The following TENM2 variants were observed in gnomAD, a reference collection of about 807,000 sequenced individuals.
TENM2 encodes the protein teneurin transmembrane protein 2, also known as teneurin-2.
TENM2 carries 52 observed loss-of-function variants against 245.2 expected under a neutral mutation model. The observed-to-expected ratio is 0.21, with a 90% CI of 0.17 to 0.27. The LOEUF (loss-of-function observed/expected upper bound fraction) is 0.27, where lower values mean the gene tolerates loss of function less well. TENM2 is among the 10% of genes least tolerant of loss of function. The probability of loss-of-function intolerance (pLI) is 1.00; values close to 1 mark genes in which losing one functional copy is unlikely to be tolerated. For missense variants in TENM2, 3,046 were observed against 3,666.8 expected (o/e 0.83, Z 4.37); for synonymous variants, 1,363 against 1,438.9 (o/e 0.95, Z 1.19).
chr5:167,420,189 G>A (rs1341100862), intron 2 of TENM2, among the ~76,000 whole-genome samples: 1 of 152,176 alleles, frequency 6.6e-6, no homozygotes, highest in Non-Finnish European at 1.5e-5. Flanking sequence ...AAAGTGGAGA[G>A]CTTATTGTTA....
chr5:167,569,330 GCTA>G (rs1774128592), intron 2 of TENM2, among the ~76,000 whole-genome samples: 1 of 151,994 alleles, frequency 6.6e-6, no homozygotes, highest in Non-Finnish European at 1.5e-5. Context: ...GAATAAGCAA[GCTA>G]CTTTGTTTAC....
At chr5:167,013,132 T>G in the TENM2 span, among the ~76,000 whole-genome samples, 6 of 152,174 alleles carry the variant, frequency 3.9e-5, no homozygotes, top group African/African-American at 1.4e-4. Flanking sequence ...TCATTGTAAC[T>G]ATGTCTTTAA....
chr5:167,816,141 A>T (rs1219737873), intron 2 of TENM2, among the ~76,000 whole-genome samples: 2 of 152,080 alleles, frequency 1.3e-5, no homozygotes, highest in Non-Finnish European at 2.9e-5. Context: ...ATAGAGCCAC[A>T]TTATCAATCA....
chr5:167,616,716 A>G (rs888662518), intron 2 of TENM2, among the ~76,000 whole-genome samples: 8 of 152,078 alleles, frequency 5.3e-5, no homozygotes, highest in Admixed American at 1.3e-4. Flanking sequence ...GGCTGTGATG[A>G]ATGTGAGGAA....
intron 2 of TENM2, among the ~76,000 whole-genome samples, chr5:167,515,078 A>G (rs1391600131): frequency 6.6e-6 from 1 of 152,182 alleles, no homozygotes; most frequent in Non-Finnish European, 1.5e-5. Flanking sequence ...TGAGCCATCA[A>G]GTTCATGAAG....
At chr5:167,103,896 G>T in the TENM2 span, among the ~76,000 whole-genome samples, 3 of 150,802 alleles carry the variant, frequency 2.0e-5, no homozygotes, top group Admixed American at 2.0e-4. Flanking sequence ...ACACACACAC[G>T]CATGCGCACA....
rs114066403 is a variant in TENM2, at chr5:167,753,881, C to A, written c.503-122105C>A. Reference sequence around the variant, plus strand: ...GTAGTACCTAATGCAGGCAGAGGTGCCTTCCTGCAGGTGTGCCAGAGTCTT... The same window carrying A: ...GTAGTACCTAATGCAGGCAGAGGTGACTTCCTGCAGGTGTGCCAGAGTCTT... On this transcript the variant is annotated intron_variant, in intron 2 of 28. Coordinates refer to ENST00000518659, the Ensembl canonical transcript of TENM2. 2.0e-5 allele frequency among the ~76,000 whole-genome samples: 3 copies of A among 152,160 alleles called. No homozygotes were observed. In the East Asian group the frequency reaches 5.8e-4, roughly 29 times the overall value.
chr5:167,740,368 A>G (rs1052659737), intron 2 of TENM2, among the ~76,000 whole-genome samples: 2 of 152,214 alleles, frequency 1.3e-5, no homozygotes. Context: ...TACACTGAAT[A>G]GAACTTGGGA....
chr5:167,248,869 C>T, the TENM2 span, among the ~76,000 whole-genome samples: 2 of 151,758 alleles, frequency 1.3e-5, no homozygotes, highest in Admixed American at 1.3e-4. Context: ...TTTGAAAATG[C>T]CCAATTTGTG....
intron 2 of TENM2, among the ~76,000 whole-genome samples, chr5:167,553,666 T>C (rs1411422787): frequency 6.6e-6 from 1 of 152,202 alleles, no homozygotes; most frequent in Non-Finnish European, 1.5e-5. Context: ...GCATGCCTTC[T>C]GCACAGCTGA....
At chr5:167,319,204 T>C (rs993660614) in intron 1 of TENM2, among the ~76,000 whole-genome samples, 2 of 152,232 alleles carry the variant, frequency 1.3e-5, no homozygotes, top group African/African-American at 4.8e-5. Flanking sequence ...TAGAATATAC[T>C]GCATGTAAAG....
At chr5:167,243,635 C>T in the TENM2 span, among the ~76,000 whole-genome samples, 5 of 152,120 alleles carry the variant, frequency 3.3e-5, no homozygotes, top group African/African-American at 9.7e-5. Flanking sequence ...GCATATTTCT[C>T]TCAGTATCCC....
chr5:168,010,693 G>T (rs528789030), intron 5 of TENM2, among the ~76,000 whole-genome samples: 63 of 152,372 alleles, frequency 4.1e-4, no homozygotes, highest in African/African-American at 1.5e-3. Context: ...GAAAAGCCCT[G>T]AAAATTATTG....
At chr5:167,567,132 CGG>C (rs1199339793) in intron 2 of TENM2, among the ~76,000 whole-genome samples, 3 of 152,026 alleles carry the variant, frequency 2.0e-5, no homozygotes, top group African/African-American at 7.2e-5. Flanking sequence ...AGTTTGGAAA[CGG>C]ATATAAAAAT....
chr5:167,719,119 A>G (rs934271412), intron 2 of TENM2, among the ~76,000 whole-genome samples: 4 of 152,350 alleles, frequency 2.6e-5, no homozygotes, highest in South Asian at 4.1e-4. Flanking sequence ...CTACCCATAA[A>G]AGCAAAGACA....
chr5:167,497,756 T>C (rs1347689565), intron 2 of TENM2, among the ~76,000 whole-genome samples: 4 of 152,024 alleles, frequency 2.6e-5, no homozygotes, highest in African/African-American at 9.7e-5. Flanking sequence ...CCTTAATTAA[T>C]ATTTATTGGG....
At chr5:167,566,686 A>T (rs963450718) in intron 2 of TENM2, among the ~76,000 whole-genome samples, 4 of 152,162 alleles carry the variant, frequency 2.6e-5, no homozygotes, top group African/African-American at 9.7e-5. Context: ...CATATTGAGA[A>T]ACATCAGTAA....
intron 2 of TENM2, among the ~76,000 whole-genome samples, chr5:167,603,929 CA>C (rs1776834682): frequency 6.6e-6 from 1 of 152,258 alleles, no homozygotes; most frequent in Middle Eastern, 3.4e-3. Flanking sequence ...TCTGGAGTTT[CA>C]GGTAGCATAT....
At chr5:166,987,697 T>G in the TENM2 span, among the ~76,000 whole-genome samples, 2 of 152,144 alleles carry the variant, frequency 1.3e-5, no homozygotes, top group South Asian at 4.2e-4. Context: ...TTTTAGGATG[T>G]GCCGGTTGCC....
Sources: allele counts gnomAD v4.1 joint callset (sites outside exome capture counted in the v4.1 genomes callset), GRCh38; gene constraint gnomAD v4.1.1; transcripts MANE v1.5; gene names NCBI Gene and HGNC (gene_info 2026-07-23, HGNC 2026-07-21).